LRRC4C: variants seen among roughly 807,000 people sequenced by gnomAD.
LRRC4C encodes leucine rich repeat containing 4C.
A neutral mutation model predicts 33.6 loss-of-function variants in LRRC4C; 5 were observed. The observed-to-expected ratio is 0.15, with a 90% CI of 0.08 to 0.31. The LOEUF is 0.31. LRRC4C is among the 10% of genes least tolerant of loss of function. The probability of loss-of-function intolerance (pLI) is 1.00; values close to 1 mark genes in which losing one functional copy is unlikely to be tolerated. For missense variants in LRRC4C, 560 were observed against 796.7 expected, an observed-to-expected ratio of 0.70 and a Z score of 3.58; for synonymous variants, 329 against 302.0, an observed-to-expected ratio of 1.09 and a Z score of -0.93.
At chr11:41,041,949 C>T (rs897313172) in intron 1 of LRRC4C, among the ~76,000 whole-genome samples, 7 of 152,090 alleles carry the variant, frequency 4.6e-5, no homozygotes, top group Admixed American at 2.0e-4. Context: ...TGCAGCTGTA[C>T]TATGTTAAAA....
chr11:41,341,568 G>T (rs1045625031), intron 1 of LRRC4C, among the ~76,000 whole-genome samples: 10 of 152,128 alleles, frequency 6.6e-5, no homozygotes, highest in African/African-American at 2.4e-4. Context: ...TTCCCTAAAA[G>T]TGTGTCATGT....
chr11:40,590,990 C>A (rs1301397671), intron 3 of LRRC4C, among the ~76,000 whole-genome samples: 2 of 152,122 alleles, frequency 1.3e-5, no homozygotes, highest in East Asian at 3.9e-4. Context: ...CCTCCTTGAG[C>A]TGTGGTGGGC....
chr11:40,258,000 T>C (rs1939616011), intron 4 of LRRC4C, among the ~76,000 whole-genome samples: 1 of 152,194 alleles, frequency 6.6e-6, no homozygotes, highest in South Asian at 2.1e-4. Context: ...GCCTCTGTAA[T>C]AGGATTACTC....
intron 1 of LRRC4C, among the ~76,000 whole-genome samples, chr11:40,961,716 G>A (rs1013828088): frequency 6.6e-6 from 1 of 151,546 alleles, no homozygotes; most frequent in Non-Finnish European, 1.5e-5. Context: ...AAGAATGAGT[G>A]GGGGAAATTT....
chr11:40,201,003 T>C (rs908617723), intron 5 of LRRC4C, among the ~76,000 whole-genome samples: 3 of 152,142 alleles, frequency 2.0e-5, no homozygotes, highest in Admixed American at 6.6e-5. Flanking sequence ...CAAACCTTTA[T>C]GCAATAAGTT....
rs1048684741 is a variant in LRRC4C at position 40,792,487 on chromosome 11, A to G, written c.-407+141148T>C. Among the ~76,000 whole-genome samples, 3 of 152,178 alleles carry G rather than the reference A, an allele frequency of 2.0e-5. No homozygotes were observed. In the East Asian group the frequency reaches 5.8e-4, roughly 29 times the overall value. On this transcript the variant is annotated intron_variant, in intron 2 of 6. Transcript: ENST00000528697. ...CGATCATTAAAAAAGTCAGGAAACA[A>G]CAGGTGTTGGAGAGGATGTGGAGAG...
At chr11:40,151,058 C>T (rs543713418) in intron 5 of LRRC4C, among the ~76,000 whole-genome samples, 6 of 152,300 alleles carry the variant, frequency 3.9e-5, no homozygotes, top group African/African-American at 1.4e-4. Context: ...GGATCACCTC[C>T]ACCTCCCTAG....
intron 1 of LRRC4C, among the ~76,000 whole-genome samples, chr11:41,180,609 G>C (rs2136150653): frequency 6.6e-6 from 1 of 152,250 alleles, no homozygotes; most frequent in Non-Finnish European, 1.5e-5. Flanking sequence ...ACATGCACGT[G>C]CATGACTTAC....
At chr11:40,869,288 G>A (rs1340416315) in intron 2 of LRRC4C, among the ~76,000 whole-genome samples, 2 of 152,048 alleles carry the variant, frequency 1.3e-5, no homozygotes, top group East Asian at 3.9e-4. Flanking sequence ...AACAGCTCTA[G>A]TATTATTATT....
chr11:40,489,603 C>T (rs1954044297), intron 3 of LRRC4C, among the ~76,000 whole-genome samples: 1 of 152,030 alleles, frequency 6.6e-6, no homozygotes, highest in East Asian at 1.9e-4. Context: ...TATTCAGTAG[C>T]CTCAAAAATA....
chr11:40,415,181 A>G (rs1023357112), intron 3 of LRRC4C, among the ~76,000 whole-genome samples: 3 of 152,190 alleles, frequency 2.0e-5, no homozygotes, highest in Non-Finnish European at 2.9e-5. Flanking sequence ...TTATGCATAT[A>G]TAATTACAAT....
At chr11:40,503,546 A>G (rs1274490125) in intron 3 of LRRC4C, among the ~76,000 whole-genome samples, 5 of 152,194 alleles carry the variant, frequency 3.3e-5, no homozygotes, top group Admixed American at 6.5e-5. Flanking sequence ...AAAAAGCCCA[A>G]TGCAATCTTA....
intron 3 of LRRC4C, among the ~76,000 whole-genome samples, chr11:40,456,509 A>T (rs1324632901): frequency 6.6e-6 from 1 of 152,084 alleles, no homozygotes; most frequent in Non-Finnish European, 1.5e-5. Context: ...GACAGAAAAT[A>T]TGGAAGAACT....
intron 1 of LRRC4C, among the ~76,000 whole-genome samples, chr11:40,998,121 A>G (rs992570829): frequency 5.3e-5 from 8 of 152,256 alleles, no homozygotes; most frequent in South Asian, 2.1e-4. Flanking sequence ...TCAGGTTTCA[A>G]TAAATTCTAA....
At chr11:40,473,634 A>G (rs113361905) in intron 3 of LRRC4C, among the ~76,000 whole-genome samples, 21,391 of 152,138 alleles carry the variant, frequency 0.14, 1,588 homozygotes, top group Admixed American at 0.15. Flanking sequence ...AATAAAGGGT[A>G]CTCAAATAGG....
chr11:40,379,195 G>A (rs960981214), intron 3 of LRRC4C, among the ~76,000 whole-genome samples: 8 of 152,194 alleles, frequency 5.3e-5, no homozygotes, highest in East Asian at 3.9e-4. Context: ...CAAAGTTTGA[G>A]AAGGGCAACA....
chr11:41,398,686 G>A (rs1953913275), intron 1 of LRRC4C, among the ~76,000 whole-genome samples: 1 of 151,766 alleles, frequency 6.6e-6, no homozygotes, highest in South Asian at 2.1e-4. Context: ...CAAAAACTGA[G>A]ACTTAAAGTA....
chr11:41,392,574 C>A (rs960907526), intron 1 of LRRC4C, among the ~76,000 whole-genome samples: 4 of 145,634 alleles, frequency 2.7e-5, no homozygotes, highest in Non-Finnish European at 4.6e-5. Flanking sequence ...AAAAAAAAAA[C>A]ATCGTTACCT....
chr11:40,844,808 G>A (rs192565312), intron 2 of LRRC4C, among the ~76,000 whole-genome samples: 9 of 152,192 alleles, frequency 5.9e-5, no homozygotes, highest in East Asian at 1.9e-4. Flanking sequence ...ACAATGCATC[G>A]CATACTTGAA....
Sources: allele counts gnomAD v4.1 joint callset (sites outside exome capture counted in the v4.1 genomes callset), GRCh38; gene constraint gnomAD v4.1.1; transcripts MANE v1.5; gene names NCBI Gene and HGNC (gene_info 2026-07-23, HGNC 2026-07-21).